EEFSEC: variants seen among roughly 807,000 people sequenced by gnomAD.
The protein encoded by EEFSEC is eukaryotic elongation factor, selenocysteine-tRNA specific, also known as selenocysteine-specific elongation factor.
Under a neutral mutation model 42.1 loss-of-function variants are expected in EEFSEC, and 43 were observed. The observed-to-expected ratio is 1.02, with a 90% CI of 0.80 to 1.32. The LOEUF is 1.32. EEFSEC is among the 40% of genes most tolerant of loss of function. EEFSEC has a pLI of 0.00. For missense variants in EEFSEC, 745 were observed against 803.6 expected (o/e 0.93, Z 0.88); for synonymous variants, 354 against 339.1 (o/e 1.04, Z -0.48).
intron 4 of EEFSEC, among the ~76,000 whole-genome samples, chr3:128,318,615 G>A (rs1049033386): frequency 6.6e-6 from 1 of 152,214 alleles, no homozygotes; most frequent in South Asian, 2.1e-4. Flanking sequence ...TAAGTCCAGC[G>A]AGACTGCGGA....
chr3:128,349,602 C>T (rs1576661000), intron 5 of EEFSEC, among the ~76,000 whole-genome samples: 1 of 152,206 alleles, frequency 6.6e-6, no homozygotes, highest in Non-Finnish European at 1.5e-5. Flanking sequence ...AGGATGCCCT[C>T]CTCACCTCCC....
chr3:128,283,648 G>A (rs546452162), intron 4 of EEFSEC, among the ~76,000 whole-genome samples: 6 of 152,296 alleles, frequency 3.9e-5, no homozygotes, highest in African/African-American at 1.4e-4. Flanking sequence ...GTCTCCCCTA[G>A]GAGTCAAGTG....
chr3:128,295,478 G>GT (rs2066694390), intron 4 of EEFSEC, among the ~76,000 whole-genome samples: 1 of 9,726 alleles, frequency 1.0e-4, no homozygotes, highest in Admixed American at 1.3e-3. Context: ...TTTTTTTGCT[G>GT]GCAAATATAC....
intron 4 of EEFSEC, among the ~76,000 whole-genome samples, chr3:128,326,571 G>A (rs1379532740): frequency 2.6e-5 from 4 of 152,190 alleles, no homozygotes; most frequent in African/African-American, 7.2e-5. Flanking sequence ...CAGTGTGACA[G>A]ACCCAGCCAG....
chr3:128,348,253 C>CGTGTGT (rs761445739), intron 5 of EEFSEC, among the ~76,000 whole-genome samples: 13 of 101,926 alleles, frequency 1.3e-4, no homozygotes, highest in Non-Finnish European at 2.1e-4. Context: ...AGTGTGCATG[C>CGTGTGT]GTGTGTGTGT....
chr3:128,191,993 G>C (rs962261597), intron 1 of EEFSEC, among the ~76,000 whole-genome samples: 3 of 152,124 alleles, frequency 2.0e-5, no homozygotes, highest in African/African-American at 7.2e-5. Context: ...GGAATTACTG[G>C]ATAAAGTGGT....
At chr3:128,336,450 C>T (rs2067190362) in intron 4 of EEFSEC, among the ~76,000 whole-genome samples, 1 of 152,202 alleles carries the variant, frequency 6.6e-6, no homozygotes, top group Admixed American at 6.5e-5. Flanking sequence ...CCCCTGTGCC[C>T]CATCACTGGT....
chr3:128,341,844 G>C lies in EEFSEC; in HGVS notation c.1398G>C (p.Arg466Ser), dbSNP rs1343338271. 7 of 1,613,772 alleles carry C rather than the reference G, an allele frequency of 4.3e-6. No individual in the cohort carries two copies. Among genetic ancestry groups the C allele is most frequent in the Non-Finnish European group, 5.9e-6 (7 of 1,180,054 alleles). The part of the protein sequence containing the change: ...DRNYADSFLP[R>S]LKVYKLKHKH... ...ACTACGCCGACAGCTTCCTGCCCAG[G>C]CTGAAGGTGTACAAGCTGAAGCACA... Residue 466 changes from arginine (R) to serine (S), a missense_variant, in exon 5 of 7, where the codon AGG becomes AGC. By Grantham distance (110) the Arg-to-Ser change is moderately radical (BLOSUM62 -1). Coordinates refer to ENST00000254730, the MANE Select transcript of EEFSEC (RefSeq NM_021937.5).
intron 2 of EEFSEC, among the ~76,000 whole-genome samples, chr3:128,257,995 G>T (rs2066259667): frequency 6.6e-6 from 1 of 152,200 alleles, no homozygotes; most frequent in African/African-American, 2.4e-5. Flanking sequence ...CATTTAGATA[G>T]TGGCATGAAA....
chr3:128,283,308 G>T (rs758825633), intron 4 of EEFSEC, among the ~76,000 whole-genome samples: 1 of 152,168 alleles, frequency 6.6e-6, no homozygotes, highest in East Asian at 1.9e-4. Flanking sequence ...GGCTATGTTC[G>T]TTCGTTTGAT....
At position 128,367,779 on chromosome 3, in the gene EEFSEC, C is replaced by T. The variant is rs1028079671; in HGVS notation, c.1600+9406C>T. 12 of 985,310 alleles carry T rather than the reference C, an allele frequency of 1.2e-5. No homozygotes were observed. The African/African-American group carries it at 1.9e-4, about 16-fold the overall frequency. The allele number at this position is 985,310 out of a possible 1,614,324, so 61.0% of individuals were successfully genotyped here. ...TGGCCATATCACTGGCTCCATCAGC[C>T]CTCCAAAGAAACCAGCTCTACAATA... On this transcript the variant is annotated intron_variant, in intron 6 of 6. Transcript: ENST00000254730.
At chr3:128,196,433 C>A (rs1382688684) in intron 1 of EEFSEC, among the ~76,000 whole-genome samples, 1 of 152,108 alleles carries the variant, frequency 6.6e-6, no homozygotes. Context: ...AATACAAAGT[C>A]ACTTTTTTCT....
intron 1 of EEFSEC, among the ~76,000 whole-genome samples, chr3:128,244,880 A>G (rs76343150): frequency 2.1e-3 from 320 of 152,326 alleles, no homozygotes; most frequent in African/African-American, 7.5e-3. Flanking sequence ...ATATCATTCC[A>G]TAGTGGTAGA....
chr3:128,169,973 T>C (rs760199736), intron 1 of EEFSEC, among the ~76,000 whole-genome samples: 2 of 152,116 alleles, frequency 1.3e-5, no homozygotes, highest in Non-Finnish European at 2.9e-5. Context: ...AGGCGGCATA[T>C]TTTGCCTTTT....
At chr3:128,272,541 G>A (rs964063861) in intron 4 of EEFSEC, among the ~76,000 whole-genome samples, 2 of 152,214 alleles carry the variant, frequency 1.3e-5, no homozygotes, top group Non-Finnish European at 2.9e-5. Context: ...GAGGGCTGCT[G>A]TGTGTCTGCC....
At chr3:128,252,008 A>G (rs2066192293) in intron 2 of EEFSEC, among the ~76,000 whole-genome samples, 1 of 152,218 alleles carries the variant, frequency 6.6e-6, no homozygotes. Context: ...AGTTGTTATC[A>G]CAGCATTGAC....
At chr3:128,425,932 C>G in the EEFSEC span, among the ~76,000 whole-genome samples, 1 of 151,984 alleles carries the variant, frequency 6.6e-6, no homozygotes, top group Admixed American at 6.5e-5. Context: ...AGGCGGGGGC[C>G]CAGCAGGTGC....
At chr3:128,168,451 A>G (rs1415481218) in intron 1 of EEFSEC, among the ~76,000 whole-genome samples, 2 of 152,166 alleles carry the variant, frequency 1.3e-5, no homozygotes, top group African/African-American at 4.8e-5. Flanking sequence ...AAGTGCTTGC[A>G]TGGTAAAAAA....
At chr3:128,324,161 G>A (rs55989768) in intron 4 of EEFSEC, among the ~76,000 whole-genome samples, 7 of 152,066 alleles carry the variant, frequency 4.6e-5, no homozygotes, top group African/African-American at 1.7e-4. Flanking sequence ...GCTGAATGCC[G>A]AAGGGCCAGC....
Sources: allele counts gnomAD v4.1 joint callset (sites outside exome capture counted in the v4.1 genomes callset), GRCh38; gene constraint gnomAD v4.1.1; transcripts MANE v1.5; gene names NCBI Gene and HGNC (gene_info 2026-07-23, HGNC 2026-07-21).